SMARCE1: variants seen among roughly 807,000 people sequenced by gnomAD.
SMARCE1 encodes SWI/SNF-related matrix-associated actin-dependent regulator of chromatin subfamily E member 1.
In SMARCE1, 13 loss-of-function variants were observed where a neutral mutation model predicts 54.9. The observed-to-expected ratio is 0.24, with a 90% CI of 0.15 to 0.38. The LOEUF (loss-of-function observed/expected upper bound fraction) is 0.38, where lower values mean the gene tolerates loss of function less well. Ranked by LOEUF, SMARCE1 falls within the 10% of genes least tolerant of loss-of-function variation. The pLI is 1.00. For missense variants in SMARCE1, 295 were observed against 523.8 expected (o/e 0.56, Z 4.26); for synonymous variants, 151 against 175.3 (o/e 0.86, Z 1.10).
chr17:40,639,794 T>C (rs980938564), intron 4 of SMARCE1, among the ~76,000 whole-genome samples: 3 of 152,202 alleles, frequency 2.0e-5, no homozygotes, highest in Non-Finnish European at 4.4e-5. Flanking sequence ...TAAAAAAAGC[T>C]GAACATACTT....
intron 7 of SMARCE1, 63 bp downstream of exon 7, chr17:40,635,868 G>T: frequency 8.3e-7 from 1 of 1,199,746 alleles, no homozygotes. Flanking sequence ...TTATACTTAA[G>T]AGATTTCTCA....
chr17:40,636,605 CTT>C, intron 5 of SMARCE1, 79 bp from the exon 6 acceptor site: 2 of 1,126,158 alleles, frequency 1.8e-6, no homozygotes, highest in Non-Finnish European at 2.6e-6. Flanking sequence ...AATGTGGAAA[CTT>C]TTCAACATAC....
At position 40,630,437 on chromosome 17, in the gene SMARCE1, C is replaced by T. The variant is rs571886410; in HGVS notation, c.1027+277G>A. 62 of 636,070 alleles carry T rather than the reference C, an allele frequency of 9.7e-5. 3 individuals carry two copies. The South Asian group carries it at 1.2e-3, about 12-fold the overall frequency. 39.4% of individuals were successfully genotyped at this position (636,070 alleles called of 1,614,324 possible). The stretch of plus-strand genomic sequence containing the variant: ...TGTGTTCCAGTTTTATTTACAAAAA[C>T]AAGTGGTGGGCAGGATTGGCTTACA... On this transcript the variant is annotated intron_variant, in intron 10 of 10. Transcript: ENST00000348513.
At chr17:40,643,428 A>G (rs1257955966) in intron 3 of SMARCE1, 1 of 152,228 alleles carries the variant, frequency 6.6e-6, no homozygotes, top group East Asian at 1.9e-4. Context: ...CATTTCAGCA[A>G]CAGAACCCTT....
chr17:40,640,836 A>C (rs1289394063), intron 4 of SMARCE1: 1 of 152,204 alleles, frequency 6.6e-6, no homozygotes, highest in Non-Finnish European at 1.5e-5. Flanking sequence ...TCCACGCCAA[A>C]TGTTCAGTTC....
intron 7 of SMARCE1, 102 bp from the exon 8 acceptor site, chr17:40,632,469 G>T: frequency 1.0e-6 from 1 of 1,002,424 alleles, no homozygotes; most frequent in East Asian, 2.5e-5. Flanking sequence ...GCCCTCACTG[G>T]CCTAACAAGT....
intron 4 of SMARCE1, among the ~76,000 whole-genome samples, chr17:40,638,565 C>A (rs1408013092): frequency 1.3e-5 from 2 of 151,846 alleles, no homozygotes; most frequent in Non-Finnish European, 2.9e-5. Context: ...GGTAGACCAC[C>A]CAGATAACAC....
Position 40,628,681 on chromosome 17 carries a change from TG to T in SMARCE1, c.*103del. 1.1e-6 allele frequency: 1 copy of T among 880,576 alleles called. No homozygotes were observed. Among genetic ancestry groups the T allele is most frequent in the South Asian group, 1.6e-5 (1 of 63,924 alleles). 54.5% of individuals were successfully genotyped at this position (880,576 alleles called of 1,614,324 possible). On this transcript the variant is annotated 3_prime_UTR_variant, in exon 11 of 11. Transcript: ENST00000348513. ...TCCAAAAGCCTTTGGTGGTGTGATA[TG>T]GACAAGAAAAAAAATTAATACACAA...
chr17:40,630,783 G>C lies in SMARCE1; in HGVS notation c.958C>G (p.Pro320Ala). 6.2e-7 allele frequency: 1 copy of C among 1,613,948 alleles called. No homozygotes were observed. The highest frequency in any genetic ancestry group is 1.1e-5 in the South Asian group (1 of 91,086). ...QAERSQSSIV[P>A]EEEQAANKGE... Reference sequence around the variant, plus strand: ...TTGTTAGCTGCTTGTTCTTCCTCAGGAACGATGCTGCTCTGACTGCGCTCA... The same window carrying C: ...TTGTTAGCTGCTTGTTCTTCCTCAGCAACGATGCTGCTCTGACTGCGCTCA... Residue 320 changes from proline to alanine, a missense_variant, in exon 10 of 11, where the codon CCT becomes GCT. Around this residue, in one of 5 missense-constraint regions of SMARCE1, gnomAD observed 147 missense variants for 161.4 expected, o/e 0.91. Transcript: ENST00000348513.
chr17:40,638,336 A>T (rs1284641479), intron 4 of SMARCE1, among the ~76,000 whole-genome samples: 1 of 152,214 alleles, frequency 6.6e-6, no homozygotes, highest in African/African-American at 2.4e-5. Flanking sequence ...TCCATTAAAA[A>T]TGTTCAGTTT....
intron 7 of SMARCE1, chr17:40,635,050 T>C (rs928857664): frequency 1.3e-5 from 2 of 152,128 alleles, no homozygotes; most frequent in African/African-American, 4.8e-5. Context: ...TTCCCCACTT[T>C]TATCAACTTA....
At chr17:40,629,266 A>G (rs568827617) in intron 10 of SMARCE1, 5 of 412,822 alleles carry the variant, frequency 1.2e-5, no homozygotes, top group Non-Finnish European at 2.1e-5. Flanking sequence ...TGAGATGTGT[A>G]TAAAGACTGT....
At chr17:40,634,152 CT>C (rs1305590519) in intron 7 of SMARCE1, 1 of 150,998 alleles carries the variant, frequency 6.6e-6, no homozygotes, top group African/African-American at 2.4e-5. Flanking sequence ...TTTTTTGAGA[CT>C]GGTTATTGCC....
chr17:40,639,177 C>T (rs1009450117), intron 4 of SMARCE1, among the ~76,000 whole-genome samples: 1 of 152,088 alleles, frequency 6.6e-6, no homozygotes, highest in African/African-American at 2.4e-5. Flanking sequence ...GGATGGGCAG[C>T]CAATACAGGG....
At chr17:40,629,232 C>A in intron 10 of SMARCE1, 1 of 516,500 alleles carries the variant, frequency 1.9e-6, no homozygotes. Flanking sequence ...TCAAATACTT[C>A]CGATGAAAAT....
At chr17:40,639,686 G>A (rs566040388) in intron 4 of SMARCE1, among the ~76,000 whole-genome samples, 81 of 152,168 alleles carry the variant, frequency 5.3e-4, no homozygotes, top group African/African-American at 1.9e-3. Context: ...TTAAATTCCA[G>A]ATGGTTTTCA....
Position 40,627,176 on chromosome 17 carries a change from G to C in SMARCE1, c.*1609C>G, listed in dbSNP as rs1191959978. The C allele has an allele frequency of 6.6e-6, 1 of 152,174 alleles. No individual in the cohort carries two copies. Among genetic ancestry groups the C allele is most frequent in the African/African-American group, 2.4e-5 (1 of 41,452 alleles). The allele number at this position is 152,174 out of a possible 1,614,324, so 9.4% of individuals were successfully genotyped here. ...GCCAAAGCTCAAAACAGATCTATTT[G>C]ATACAAATTCGTTCTTTGACACACA... is the stretch of plus-strand genomic sequence containing the variant. On this transcript the variant is annotated 3_prime_UTR_variant, in exon 11 of 11. Coordinates refer to ENST00000348513, the MANE Select transcript of SMARCE1 (RefSeq NM_003079.5).
chr17:40,632,035 A>C, intron 8 of SMARCE1, 160 bp downstream of exon 8: 2 of 591,470 alleles, frequency 3.4e-6, no homozygotes, highest in Non-Finnish European at 5.9e-6. Flanking sequence ...AACTTATTAA[A>C]CATCTGGGAA....
chr17:40,644,522 C>G (rs999978097), intron 3 of SMARCE1: 4 of 152,176 alleles, frequency 2.6e-5, no homozygotes, highest in African/African-American at 9.6e-5. Context: ...GAAAACAAAG[C>G]AAGCATAGGA....
Sources: gnomAD v4.1 joint callset for allele counts (sites outside exome capture counted in the v4.1 genomes callset) on GRCh38, gnomAD v4.1.1 for gene constraint, gnomAD v4.1.1 regional missense constraint, MANE v1.5 for transcripts, NCBI Gene and HGNC (gene_info 2026-07-23, HGNC 2026-07-21) for gene names.